The following ADAMTS10 variants were observed in gnomAD, a reference collection of about 807,000 sequenced individuals.
The protein encoded by ADAMTS10 is A disintegrin and metalloproteinase with thrombospondin motifs 10.
Under a neutral mutation model 135.9 loss-of-function variants are expected in ADAMTS10, and 48 were observed. The ratio of observed to expected loss-of-function variants is 0.35; its 90% CI spans 0.28 to 0.45. ADAMTS10 has a LOEUF of 0.45. Among genes scored for constraint, ADAMTS10 ranks in the 20% least tolerant of loss-of-function variants. The probability of loss-of-function intolerance (pLI) is 1.00; values close to 1 mark genes in which losing one functional copy is unlikely to be tolerated. For synonymous variants in ADAMTS10, 621 were observed against 647.5 expected (o/e 0.96, Z 0.62); for missense variants, 1,131 against 1,565.2 (o/e 0.72, Z 4.68).
Position 8,591,831 on chromosome 19 carries a change from T to C in ADAMTS10, c.1766A>G (p.Glu589Gly). The C allele has an allele frequency of 1.2e-6, 2 of 1,613,790 alleles. No individual in the cohort carries two copies. Among genetic ancestry groups the C allele is most frequent in the East Asian group, 2.2e-5 (1 of 44,876 alleles). ...GTTGCAGGAGCGGTGCCGCCTTCTC[T>C]CACCCAGACAGTACTTGCCCCCGAT... is the stretch of plus-strand genomic sequence containing the variant. ...PTIGGKYCLGERRRHRSCNTD... is the reference protein window; with the variant it reads ...PTIGGKYCLGGRRRHRSCNTD... The change falls in exon 15 of 26, where the codon GAG becomes GGG. Residue 589 changes from glutamate (E) to glycine (G), a missense_variant. By Grantham distance (98) the Glu-to-Gly change is moderately conservative. Transcript: ENST00000597188.
In ADAMTS10 at chr19:8,596,438, G is replaced by C. The variant is rs551119805; in HGVS notation, c.1085-26C>G. The stretch of plus-strand genomic sequence containing the variant: ...CTGGGAAGACGGACATGTGGGGATG[G>C]GGCTGGGAGGCTCAGGACGGTGCTG... On this transcript the variant is annotated intron_variant, in intron 9 of 25. Coordinates refer to ENST00000597188, the MANE Select transcript of ADAMTS10 (RefSeq NM_030957.4). The surrounding 1 kb of genome is among the most constrained non-coding windows in gnomAD (Gnocchi z 7.2). The C allele has an allele frequency of 4.3e-6, 7 of 1,613,632 alleles. No individual in the cohort carries two copies. The Admixed American group carries it at 1.0e-4, about 23-fold the overall frequency.
In ADAMTS10 at chr19:8,586,879, AGAC is replaced by A; in HGVS notation, c.2173_2175del (p.Val725del). ...ATGTGGACGGAGCCTTTGGGAATCC[AGAC>A]GACATCCTCGTACCCTGAACAGCAG... is the stretch of plus-strand genomic sequence containing the variant. On this transcript the variant is annotated inframe_deletion, in exon 19 of 26. Coordinates refer to ENST00000597188, the MANE Select transcript of ADAMTS10 (RefSeq NM_030957.4). 1 of 1,614,192 alleles carries A rather than the reference AGAC, an allele frequency of 6.2e-7. No individual in the cohort carries two copies. The highest frequency in any genetic ancestry group is 8.5e-7 in the Non-Finnish European group (1 of 1,180,032).
chr19:8,610,275 GAC>G (rs1237835129), intron 1 of ADAMTS10, among the ~76,000 whole-genome samples: 4 of 151,380 alleles, frequency 2.6e-5, no homozygotes, highest in Admixed American at 6.6e-5. Context: ...CACAAACCCA[GAC>G]ACACACACAC....
In ADAMTS10 at chr19:8,580,807, G is replaced by GCC; in HGVS notation, c.*84_*85dup. 9.2e-7 allele frequency: 1 copy of GCC among 1,091,736 alleles called. No individual in the cohort carries two copies. Among genetic ancestry groups the GCC allele is most frequent in the Non-Finnish European group, 1.3e-6 (1 of 749,014 alleles). 67.6% of individuals were successfully genotyped at this position (1,091,736 alleles called of 1,614,324 possible). On this transcript the variant is annotated 3_prime_UTR_variant, in exon 26 of 26. Coordinates refer to ENST00000597188, the MANE Select transcript of ADAMTS10 (RefSeq NM_030957.4). ...GTCTCACCCTTCCCTCCCAGTTCCC[G>GCC]CCCCCCCGGGGCCCCCTCTGGCCGG...
At chr19:8,586,016 C>G in intron 22 of ADAMTS10, 106 bp downstream of exon 22, 1 of 1,572,398 alleles carries the variant, frequency 6.4e-7, no homozygotes, top group East Asian at 2.3e-5. Flanking sequence ...CACTGTCACT[C>G]CGACTCTGCA....
At chr19:8,603,995 C>CT in intron 4 of ADAMTS10, 111 bp from the exon 5 acceptor site, 2 of 1,155,662 alleles carry the variant, frequency 1.7e-6, no homozygotes, top group Non-Finnish European at 1.2e-6. Context: ...GTTTATTTTG[C>CT]TATTTCTTTT....
At chr19:8,592,729 C>G in intron 13 of ADAMTS10, 34 bp downstream of exon 13, 1 of 1,585,224 alleles carries the variant, frequency 6.3e-7, no homozygotes, top group Non-Finnish European at 8.6e-7. Context: ...GCTCAGGGGG[C>G]GTGGCCCAGT....
At chr19:8,597,672 G>A (rs1049091423) in intron 6 of ADAMTS10, among the ~76,000 whole-genome samples, 6 of 151,970 alleles carry the variant, frequency 3.9e-5, no homozygotes, top group Non-Finnish European at 7.4e-5. Context: ...ATGGAGTCTC[G>A]CTCTGTTGCC....
chr19:8,597,313 G>C lies in ADAMTS10; in HGVS notation c.815C>G (p.Ala272Gly). The C allele has an allele frequency of 6.2e-7, 1 of 1,613,716 alleles. No individual in the cohort carries two copies. Among genetic ancestry groups the C allele is most frequent in the Non-Finnish European group, 8.5e-7 (1 of 1,179,886 alleles). The change falls in exon 7 of 26, where the codon GCC (alanine) becomes GGC (glycine). Residue 272 changes from alanine (A) to glycine (G), a missense_variant. By Grantham distance (60) the Ala-to-Gly change is moderately conservative. Transcript: ENST00000597188. ...QYVLAIMNIV[A>G]KLFQDSSLGS... ...CAGACTCGAGTCCTGGAAAAGTTTG[G>C]CAACCTGACCTCCAAGAAACAAGAG...
In ADAMTS10 at chr19:8,595,240, C is replaced by T. The variant is rs186044611; in HGVS notation, c.1479+522G>A. Among the ~76,000 whole-genome samples, 126 of 152,204 alleles carry T rather than the reference C, an allele frequency of 8.3e-4. 1 individual carries two copies. Among genetic ancestry groups the T allele is most frequent in the African/African-American group, 2.9e-3 (119 of 41,550 alleles). On this transcript the variant is annotated intron_variant, in intron 12 of 25. Coordinates refer to ENST00000597188, the MANE Select transcript of ADAMTS10 (RefSeq NM_030957.4). ...GTGGAACCTCCTGCCCCCCAATGCC[C>T]TTCTCTATGCACGAATGGGGCTTTG...
Position 8,596,760 on chromosome 19 carries a change from C to A in ADAMTS10, c.1041-175G>T, listed in dbSNP as rs964803790. 6.6e-6 allele frequency among the ~76,000 whole-genome samples: 1 copy of A among 152,154 alleles called. No individual in the cohort carries two copies. Among genetic ancestry groups the A allele is most frequent in the Non-Finnish European group, 1.5e-5 (1 of 68,022 alleles). On this transcript the variant is annotated intron_variant, in intron 8 of 25. Transcript: ENST00000597188. The surrounding 1 kb of genome is among the most constrained non-coding windows in gnomAD (Gnocchi z 7.2). ...GAATGAATGAATGCATGCATGCATG[C>A]ATGAGTGGGAGAATAAGTGAATGAG...
chr19:8,607,961 C>A, intron 2 of ADAMTS10, among the ~76,000 whole-genome samples, 173 bp downstream of exon 2: 1 of 151,844 alleles, frequency 6.6e-6, no homozygotes, highest in East Asian at 1.9e-4. Context: ...CAGGTGTGCG[C>A]CACCATGCCC....
intron 6 of ADAMTS10, among the ~76,000 whole-genome samples, chr19:8,598,565 ATTTTTTTTTT>A (rs34389376): frequency 4.2e-5 from 3 of 70,760 alleles, no homozygotes; most frequent in East Asian, 4.0e-4. Context: ...AATCCCCAGA[ATTTTTTTTTT>A]TTTTTTTTTT....
At chr19:8,588,196 C>G (rs909921629) in intron 18 of ADAMTS10, among the ~76,000 whole-genome samples, 2 of 151,858 alleles carry the variant, frequency 1.3e-5, no homozygotes, top group Non-Finnish European at 2.9e-5. Context: ...TGCAGTGAGC[C>G]GAGATCAAGC....
intron 4 of ADAMTS10, among the ~76,000 whole-genome samples, chr19:8,604,303 T>C (rs1002667090): frequency 1.3e-5 from 2 of 151,392 alleles, no homozygotes; most frequent in Admixed American, 6.6e-5. Context: ...CCTCAAGTGA[T>C]CCTCCTGCCT....
At position 8,610,422 on chromosome 19, in the gene ADAMTS10, G is replaced by GACACACACACACACACACAC. The variant is rs111492620; in HGVS notation, c.-215+202_-215+221dup. Among the ~76,000 whole-genome samples, 97 of 145,714 alleles carry GACACACACACACACACACAC rather than the reference G, an allele frequency of 6.7e-4. 1 individual carries two copies. Among genetic ancestry groups the GACACACACACACACACACAC allele is most frequent in the African/African-American group, 2.3e-3 (88 of 38,954 alleles). ...CAACCACTCTGCCCCTACGTGGACG[G>GACACACACACACACACACAC]ACACACACACACACACACACACACA... is the stretch of plus-strand genomic sequence containing the variant. On this transcript the variant is annotated intron_variant, in intron 1 of 25. Transcript: ENST00000597188.
At chr19:8,599,711 G>C (rs2042642534) in intron 6 of ADAMTS10, among the ~76,000 whole-genome samples, 1 of 152,166 alleles carries the variant, frequency 6.6e-6, no homozygotes, top group Non-Finnish European at 1.5e-5. Context: ...CTGGGCTCAA[G>C]TGATCCTCCT....
intron 22 of ADAMTS10, 78 bp downstream of exon 22, chr19:8,586,044 C>T (rs1201576840): frequency 1.7e-5 from 27 of 1,605,728 alleles, no homozygotes; most frequent in Admixed American, 1.0e-4. Context: ...GCTCCCCACC[C>T]CCCTGGAGCA....
In ADAMTS10 at chr19:8,591,968, C is replaced by T. The variant is rs781991380; in HGVS notation, c.1723G>A (p.Asp575Asn). 1.2e-6 allele frequency: 2 copies of T among 1,613,472 alleles called. No homozygotes were observed. Among genetic ancestry groups the T allele is most frequent in the Non-Finnish European group, 1.7e-6 (2 of 1,179,820 alleles). ...GGVSSSSRHC[D>N]SPRPTIGGKY... Reference sequence around the variant, plus strand: ...GTCCTGAGGGCTGACCTGGGGCTGTCGCAGTGACGGCTAGAAGAGGACACG... The same window carrying T: ...GTCCTGAGGGCTGACCTGGGGCTGTTGCAGTGACGGCTAGAAGAGGACACG... The change falls in exon 14 of 26, where the codon GAC (aspartate) becomes AAC (asparagine). Residue 575 changes from aspartate (D) to asparagine (N), a missense_variant. By Grantham distance (23) the Asp-to-Asn change is conservative. Coordinates refer to ENST00000597188, the MANE Select transcript of ADAMTS10 (RefSeq NM_030957.4).
Sources: gnomAD v4.1 joint callset for allele counts (sites outside exome capture counted in the v4.1 genomes callset) on GRCh38, gnomAD v4.1.1 for gene constraint, Gnocchi (gnomAD v3.1) non-coding constraint, MANE v1.5 for transcripts, NCBI Gene and HGNC (gene_info 2026-07-23, HGNC 2026-07-21) for gene names.